Variants in FHOD3 observed in about 807,000 individuals in gnomAD.
FHOD3 encodes the protein FH1/FH2 domain-containing protein 3.
FHOD3 carries 90 observed loss-of-function variants against 173.0 expected under a neutral mutation model. That is an observed-to-expected ratio of 0.52 (90% CI 0.44 to 0.62). The LOEUF is 0.62. Among genes scored for constraint, FHOD3 ranks in the 20% least tolerant of loss-of-function variants. The pLI is 0.00. For missense variants in FHOD3, 1,945 were observed against 2,034.7 expected (o/e 0.96, Z 0.85); for synonymous variants, 828 against 823.0 (o/e 1.01, Z -0.10).
chr18:36,721,345 C>T (rs565676195), intron 19 of FHOD3, among the ~76,000 whole-genome samples: 8 of 152,274 alleles, frequency 5.3e-5, no homozygotes, highest in South Asian at 2.1e-4. Context: ...GATTAAAACA[C>T]GTCACTGTGT....
chr18:36,715,503 C>T (rs1332096927), intron 18 of FHOD3, among the ~76,000 whole-genome samples: 2 of 152,156 alleles, frequency 1.3e-5, no homozygotes, highest in Non-Finnish European at 2.9e-5. Flanking sequence ...AATACAAGCC[C>T]CAAAGAGGCA....
At chr18:36,688,421 T>C (rs1228410342) in intron 16 of FHOD3, among the ~76,000 whole-genome samples, 1 of 152,252 alleles carries the variant, frequency 6.6e-6, no homozygotes, top group African/African-American at 2.4e-5. Context: ...AAGAATTAGA[T>C]GCTTAGATCA....
intron 1 of FHOD3, among the ~76,000 whole-genome samples, chr18:36,332,707 C>G (rs1387086261): frequency 2.6e-5 from 4 of 152,208 alleles, no homozygotes. Context: ...AGGTTCTGTG[C>G]CTGCCTCTAT....
intron 5 of FHOD3, among the ~76,000 whole-genome samples, chr18:36,570,771 A>G (rs2058424307): frequency 1.3e-5 from 2 of 152,270 alleles, no homozygotes; most frequent in South Asian, 2.1e-4. Flanking sequence ...AAAAAACACA[A>G]TCATATCAGT....
chr18:36,469,072 C>G (rs1219915925), intron 3 of FHOD3, among the ~76,000 whole-genome samples: 1 of 152,100 alleles, frequency 6.6e-6, no homozygotes, highest in African/African-American at 2.4e-5. Context: ...GTTTCCCTTG[C>G]CATACTTGGG....
chr18:36,338,212 C>G (rs930557825), intron 1 of FHOD3, among the ~76,000 whole-genome samples: 2 of 152,132 alleles, frequency 1.3e-5, no homozygotes, highest in African/African-American at 4.8e-5. Flanking sequence ...GGAAAAAGAT[C>G]TTTGTGTCAC....
chr18:36,759,097 C>T (rs1358786991), intron 25 of FHOD3, 21 bp from the exon 26 acceptor site: 1 of 1,535,856 alleles, frequency 6.5e-7, no homozygotes, highest in South Asian at 1.2e-5. Context: ...CCGTCCTGTC[C>T]TGTCCTGTCC....
At chr18:36,492,189 T>A (rs985393127) in intron 3 of FHOD3, among the ~76,000 whole-genome samples, 2 of 152,166 alleles carry the variant, frequency 1.3e-5, no homozygotes, top group Non-Finnish European at 2.9e-5. Flanking sequence ...GGACACTATT[T>A]TCTCTTCCTC....
intron 1 of FHOD3, among the ~76,000 whole-genome samples, chr18:36,326,827 T>A (rs181477728): frequency 2.6e-5 from 4 of 152,288 alleles, no homozygotes; most frequent in South Asian, 2.1e-4. Context: ...ACTGAATTAC[T>A]TGGTTTGTGA....
intron 3 of FHOD3, among the ~76,000 whole-genome samples, chr18:36,476,205 A>G (rs1263482043): frequency 6.6e-6 from 1 of 152,124 alleles, no homozygotes; most frequent in African/African-American, 2.4e-5. Context: ...CTCCCATGGC[A>G]TATGGTTTTG....
intron 13 of FHOD3, among the ~76,000 whole-genome samples, chr18:36,654,852 T>C (rs1353195423): frequency 6.6e-6 from 1 of 152,182 alleles, no homozygotes; most frequent in Non-Finnish European, 1.5e-5. Context: ...GCTCAAGAGT[T>C]TTTTTTCTTT....
chr18:36,503,893 C>T (rs1006421014), intron 4 of FHOD3, among the ~76,000 whole-genome samples: 14 of 152,116 alleles, frequency 9.2e-5, no homozygotes, highest in African/African-American at 3.4e-4. Flanking sequence ...GTAAGGCATG[C>T]CCTTTCTGTT....
intron 5 of FHOD3, among the ~76,000 whole-genome samples, chr18:36,559,527 C>T (rs2058016663): frequency 2.0e-5 from 3 of 152,204 alleles, no homozygotes; most frequent in African/African-American, 7.2e-5. Flanking sequence ...AATACTACTT[C>T]TTCCATACCC....
At chr18:36,353,028 C>G (rs542119335) in intron 1 of FHOD3, among the ~76,000 whole-genome samples, 1 of 152,322 alleles carries the variant, frequency 6.6e-6, no homozygotes, top group African/African-American at 2.4e-5. Flanking sequence ...GGAACTCTTC[C>G]TGCCTGCTGC....
intron 3 of FHOD3, among the ~76,000 whole-genome samples, chr18:36,491,071 T>G (rs549694993): frequency 6.6e-6 from 1 of 152,170 alleles, no homozygotes; most frequent in East Asian, 1.9e-4. Context: ...CTGGCCCTGG[T>G]GTGGGGAGAT....
chr18:36,717,846 G>A lies in FHOD3; in HGVS notation c.2548G>A (p.Gly850Ser). Reference sequence around the variant, plus strand: ...TGTACTTTCAGGTTTGTGGCCCGCAGGTGTCCAGGATGCAGGTGTAAATGG... The same window carrying A: ...TGTACTTTCAGGTTTGTGGCCCGCAAGTGTCCAGGATGCAGGTGTAAATGG... The part of the protein sequence containing the change: ...RDRTTGLWPA[G>S]VQDAGVNGQC... The change falls in exon 19 of 29, where the codon GGT (glycine) becomes AGT (serine). Residue 850 changes from glycine (G) to serine (S), a missense_variant. Transcript: ENST00000590592. The A allele has an allele frequency of 6.3e-7, 1 of 1,577,916 alleles. No homozygotes were observed. Among genetic ancestry groups the A allele is most frequent in the Non-Finnish European group, 8.6e-7 (1 of 1,160,258 alleles).
intron 3 of FHOD3, among the ~76,000 whole-genome samples, chr18:36,493,766 C>T (rs1042702051): frequency 4.6e-5 from 7 of 152,028 alleles, no homozygotes; most frequent in African/African-American, 1.2e-4. Flanking sequence ...CTGGACATTG[C>T]GCCTGTGAAT....
chr18:36,415,758 A>G (rs936095409), intron 3 of FHOD3, among the ~76,000 whole-genome samples: 2 of 152,202 alleles, frequency 1.3e-5, no homozygotes, highest in Non-Finnish European at 2.9e-5. Flanking sequence ...TCAGTTTTGC[A>G]TTCTTAATTT....
chr18:36,628,819 C>T (rs1216805834), intron 10 of FHOD3, among the ~76,000 whole-genome samples: 1 of 152,204 alleles, frequency 6.6e-6, no homozygotes, highest in Non-Finnish European at 1.5e-5. Context: ...TGCTCTTTCT[C>T]CTGAGGTACC....
Sources: gnomAD v4.1 joint callset for allele counts (sites outside exome capture counted in the v4.1 genomes callset) on GRCh38, gnomAD v4.1.1 for gene constraint, MANE v1.5 for transcripts, NCBI Gene and HGNC (gene_info 2026-07-23, HGNC 2026-07-21) for gene names.